PCDH7: variants seen among roughly 807,000 people sequenced by gnomAD.
The protein encoded by PCDH7 is protocadherin 7.
Under a neutral mutation model 58.9 loss-of-function variants are expected in PCDH7, and 17 were observed. The ratio of observed to expected loss-of-function variants is 0.29; its 90% CI spans 0.20 to 0.43. The LOEUF is 0.43. Ranked by LOEUF, PCDH7 falls within the 20% of genes least tolerant of loss-of-function variation. PCDH7 has a pLI of 1.00. For synonymous variants in PCDH7, 664 were observed against 616.4 expected, an observed-to-expected ratio of 1.08 and a Z score of -1.14; for missense variants, 1,274 against 1,441.0, an observed-to-expected ratio of 0.88 and a Z score of 1.88.
chr4:31,035,916 G>T lies in PCDH7; in HGVS notation c.*7+85701G>T, dbSNP rs577594407. 2.4e-4 allele frequency among the ~76,000 whole-genome samples: 36 copies of T among 152,226 alleles called. 1 individual carries two copies. In the East Asian group the frequency reaches 7.0e-3, roughly 29 times the overall value. ...TTATGGTAGCGATAAGGGTTTCCTTGGCTGACATCACTAAATGTTCATAAG... is the reference window on the plus strand; with the variant it reads ...TTATGGTAGCGATAAGGGTTTCCTTTGCTGACATCACTAAATGTTCATAAG... On this transcript the variant is annotated intron_variant, in intron 3 of 3. Coordinates refer to the PCDH7 transcript ENST00000509759.
At chr4:31,044,257 A>C (rs1284504945) in intron 3 of PCDH7, among the ~76,000 whole-genome samples, 2 of 152,014 alleles carry the variant, frequency 1.3e-5, no homozygotes, top group Admixed American at 6.6e-5. Context: ...AACAAAGTGG[A>C]CTCTGGGATT....
chr4:30,987,565 C>A (rs958207376), intron 3 of PCDH7: 2 of 152,046 alleles, frequency 1.3e-5, no homozygotes, highest in Admixed American at 6.6e-5. Context: ...CACCTGTATT[C>A]TCTGCTTCTC....
At chr4:31,078,281 C>A (rs59848134) in intron 3 of PCDH7, among the ~76,000 whole-genome samples, 13,523 of 151,064 alleles carry the variant, frequency 0.09, 700 homozygotes, top group South Asian at 0.18. Context: ...AAAACCAATT[C>A]TCTCTCTCTC....
At chr4:30,889,228 G>A (rs767020637) in intron 1 of PCDH7, among the ~76,000 whole-genome samples, 5 of 151,068 alleles carry the variant, frequency 3.3e-5, no homozygotes, top group African/African-American at 7.3e-5. Context: ...ATTAGAAAGC[G>A]GAAACACTTT....
chr4:31,064,396 G>T (rs1029030215), intron 3 of PCDH7, among the ~76,000 whole-genome samples: 2 of 151,962 alleles, frequency 1.3e-5, no homozygotes, highest in African/African-American at 4.8e-5. Context: ...TAGGGCGTGT[G>T]TGTCTTTGTA....
At chr4:30,792,678 T>C (rs1724281717) in intron 1 of PCDH7, among the ~76,000 whole-genome samples, 1 of 152,194 alleles carries the variant, frequency 6.6e-6, no homozygotes, top group Non-Finnish European at 1.5e-5. Flanking sequence ...TTCTAATTGC[T>C]ACTGCTCAAT....
chr4:31,060,447 T>C (rs1757599862), intron 3 of PCDH7, among the ~76,000 whole-genome samples: 3 of 151,958 alleles, frequency 2.0e-5, no homozygotes, highest in South Asian at 4.1e-4. Context: ...TATTGTTTGA[T>C]GCCCCTTGGT....
intron 3 of PCDH7, among the ~76,000 whole-genome samples, chr4:31,078,041 G>A (rs1759152303): frequency 6.6e-6 from 1 of 152,116 alleles, no homozygotes; most frequent in African/African-American, 2.4e-5. Context: ...GCTTATAGCT[G>A]TTTTTACTTC....
At chr4:30,819,046 C>A (rs1278162435) in intron 1 of PCDH7, among the ~76,000 whole-genome samples, 2 of 152,276 alleles carry the variant, frequency 1.3e-5, no homozygotes, top group East Asian at 3.9e-4. Flanking sequence ...CAGGATGAGA[C>A]AGAGGTGGCT....
intron 1 of PCDH7, among the ~76,000 whole-genome samples, chr4:30,727,966 G>A (rs1156700068): frequency 6.6e-6 from 1 of 151,744 alleles, no homozygotes; most frequent in Non-Finnish European, 1.5e-5. Context: ...TAAATGGAAA[G>A]TAAGGTAATT....
chr4:31,140,208 T>C (rs1720079242), intron 3 of PCDH7, among the ~76,000 whole-genome samples: 1 of 152,102 alleles, frequency 6.6e-6, no homozygotes, highest in Non-Finnish European at 1.5e-5. Context: ...TTACAAGCTG[T>C]TTATAATGCA....
chr4:31,090,226 C>G (rs1315066012), intron 3 of PCDH7, among the ~76,000 whole-genome samples: 1 of 151,538 alleles, frequency 6.6e-6, no homozygotes, highest in African/African-American at 2.4e-5. Flanking sequence ...ATACATGGTT[C>G]TGAAAGACTT....
chr4:31,106,075 A>G (rs1320648495), intron 3 of PCDH7, among the ~76,000 whole-genome samples: 1 of 151,784 alleles, frequency 6.6e-6, no homozygotes, highest in Admixed American at 6.6e-5. Context: ...ATTGTATGTA[A>G]CAGGAGTATT....
chr4:30,883,460 A>G (rs1737268599), intron 1 of PCDH7, among the ~76,000 whole-genome samples: 1 of 152,198 alleles, frequency 6.6e-6, no homozygotes, highest in South Asian at 2.1e-4. Flanking sequence ...TTGTTTGACT[A>G]TCACACCAGC....
intron 3 of PCDH7, among the ~76,000 whole-genome samples, chr4:31,051,152 C>A (rs1756700267): frequency 1.3e-5 from 2 of 152,114 alleles, no homozygotes; most frequent in Middle Eastern, 3.4e-3. Flanking sequence ...TAAGGTCTTC[C>A]TTGAATCCCC....
intron 3 of PCDH7, among the ~76,000 whole-genome samples, chr4:31,059,989 C>A (rs1314565487): frequency 6.6e-6 from 1 of 151,618 alleles, no homozygotes; most frequent in Non-Finnish European, 1.5e-5. Flanking sequence ...ATAATGATGG[C>A]TAGAATCATT....
chr4:30,949,115 G>T (rs1025556496), intron 2 of PCDH7, among the ~76,000 whole-genome samples: 1 of 152,048 alleles, frequency 6.6e-6, no homozygotes, highest in African/African-American at 2.4e-5. Context: ...ACATATTTGT[G>T]TATGAAGTCA....
chr4:30,894,463 G>GGAAAAAAAAA (rs1393250151), intron 1 of PCDH7, among the ~76,000 whole-genome samples: 1 of 13,038 alleles, frequency 7.7e-5, no homozygotes, highest in African/African-American at 2.8e-4. Flanking sequence ...TTTCATTCAG[G>GGAAAAAAAAA]AAAAAAAAAA....
intron 3 of PCDH7, among the ~76,000 whole-genome samples, chr4:31,015,266 A>G (rs1753514327): frequency 6.6e-6 from 1 of 152,178 alleles, no homozygotes; most frequent in South Asian, 2.1e-4. Context: ...CAGTTGCTTT[A>G]TTGTGCAAAT....
Sources: gnomAD v4.1 joint callset for allele counts (sites outside exome capture counted in the v4.1 genomes callset) on GRCh38, gnomAD v4.1.1 for gene constraint, MANE v1.5 for transcripts, NCBI Gene and HGNC (gene_info 2026-07-23, HGNC 2026-07-21) for gene names.